The following TMEM63C variants were observed in gnomAD, a reference collection of about 807,000 sequenced individuals.
The protein encoded by TMEM63C is transmembrane protein 63C, also known as osmosensitive cation channel TMEM63C.
In TMEM63C, 32 loss-of-function variants were observed where a neutral mutation model predicts 99.2. The ratio of observed to expected loss-of-function variants is 0.32; its 90% CI spans 0.24 to 0.43. The LOEUF is 0.43. Ranked by LOEUF, TMEM63C falls within the 20% of genes least tolerant of loss-of-function variation. TMEM63C has a pLI of 1.00. For missense variants in TMEM63C, 826 were observed against 1,053.0 expected (o/e 0.78, Z 2.98); for synonymous variants, 376 against 397.9 (o/e 0.94, Z 0.66).
intron 7 of TMEM63C, among the ~76,000 whole-genome samples, chr14:77,233,191 T>TA: frequency 6.6e-6 from 1 of 152,152 alleles, no homozygotes; most frequent in East Asian, 1.9e-4. Context: ...GGGTGTCCAT[T>TA]ATGTGCCAAT....
chr14:77,205,149 A>G (rs1888372965), intron 1 of TMEM63C, among the ~76,000 whole-genome samples: 1 of 152,238 alleles, frequency 6.6e-6, no homozygotes, highest in African/African-American at 2.4e-5. Flanking sequence ...TGCTCCAGGA[A>G]CTGAGGGAAC....
intron 20 of TMEM63C, among the ~76,000 whole-genome samples, 177 bp from the exon 21 acceptor site, chr14:77,249,114 G>A (rs972349352): frequency 6.6e-6 from 1 of 152,126 alleles, no homozygotes; most frequent in Non-Finnish European, 1.5e-5. Flanking sequence ...CAGTTCTCGG[G>A]GCTCAAGGGA....
intron 1 of TMEM63C, among the ~76,000 whole-genome samples, chr14:77,191,303 T>C (rs2140090174): frequency 6.6e-6 from 1 of 152,204 alleles, no homozygotes; most frequent in Non-Finnish European, 1.5e-5. Flanking sequence ...TATGCAATAA[T>C]AATAGTAGTA....
chr14:77,229,613 A>AATATATATATAC (rs1555348254), intron 6 of TMEM63C, among the ~76,000 whole-genome samples: 2 of 117,936 alleles, frequency 1.7e-5, no homozygotes, highest in African/African-American at 5.9e-5. Context: ...ACACCCAGCT[A>AATATATATATAC]ATATATATAT....
At chr14:77,247,358 G>T (rs1285246879) in intron 18 of TMEM63C, among the ~76,000 whole-genome samples, 2 of 152,010 alleles carry the variant, frequency 1.3e-5, no homozygotes, top group Non-Finnish European at 2.9e-5. Flanking sequence ...ATGCCACCAT[G>T]CCTGGCTAAT....
intron 2 of TMEM63C, among the ~76,000 whole-genome samples, chr14:77,216,981 C>T (rs1290597095): frequency 1.3e-5 from 2 of 152,130 alleles, no homozygotes; most frequent in African/African-American, 2.4e-5. Context: ...GCCTGGGCAA[C>T]ATAGTGAGAC....
chr14:77,196,514 C>T (rs928830116), intron 1 of TMEM63C, among the ~76,000 whole-genome samples: 1 of 152,212 alleles, frequency 6.6e-6, no homozygotes, highest in African/African-American at 2.4e-5. Context: ...TGTCCTCTGT[C>T]CCCTGGAAAT....
At chr14:77,214,113 A>G in intron 2 of TMEM63C, among the ~76,000 whole-genome samples, 1 of 151,866 alleles carries the variant, frequency 6.6e-6, no homozygotes, top group East Asian at 1.9e-4. Context: ...AACTCCTGAA[A>G]CCTTTCCATG....
intron 1 of TMEM63C, among the ~76,000 whole-genome samples, chr14:77,204,996 G>A (rs1424584713): frequency 6.6e-6 from 1 of 152,240 alleles, no homozygotes; most frequent in African/African-American, 2.4e-5. Flanking sequence ...GGGGAGCTGG[G>A]CCTGGCCTGA....
chr14:77,191,507 TTTTCTTTTC>T (rs1236799956), intron 1 of TMEM63C, among the ~76,000 whole-genome samples: 188 of 151,220 alleles, frequency 1.2e-3, no homozygotes, highest in Non-Finnish European at 1.7e-3. Context: ...TCCATTTTTT[TTTTCTTTTC>T]TTTCTTTTCT....
At chr14:77,248,290 C>T in intron 18 of TMEM63C, 57 bp from the exon 19 acceptor site, 2 of 1,500,026 alleles carry the variant, frequency 1.3e-6, no homozygotes, top group Admixed American at 1.9e-5. Flanking sequence ...TCCCTTTTAA[C>T]ATCTCTCCCT....
chr14:77,194,336 A>ATGTGTGTGTG (rs36201483), intron 1 of TMEM63C, among the ~76,000 whole-genome samples: 33 of 87,608 alleles, frequency 3.8e-4, no homozygotes, highest in African/African-American at 1.8e-3. Flanking sequence ...ATATATATAT[A>ATGTGTGTGTG]TGTGTGTGTG....
intron 23 of TMEM63C, 87 bp downstream of exon 23, chr14:77,253,463 T>C: frequency 7.6e-7 from 1 of 1,311,334 alleles, no homozygotes; most frequent in East Asian, 2.5e-5. Context: ...ATGCCAGCTT[T>C]GCTGCCCACT....
At chr14:77,199,230 G>A (rs894163584) in intron 1 of TMEM63C, among the ~76,000 whole-genome samples, 1 of 152,178 alleles carries the variant, frequency 6.6e-6, no homozygotes, top group Admixed American at 6.5e-5. Flanking sequence ...AGGCCCGGGG[G>A]CTCAGAATCA....
At chr14:77,226,482 TG>T (rs1566625081) in intron 6 of TMEM63C, among the ~76,000 whole-genome samples, 1 of 152,108 alleles carries the variant, frequency 6.6e-6, no homozygotes, top group African/African-American at 2.4e-5. Context: ...GCATTCAGAA[TG>T]GGAGGGTTAT....
chr14:77,251,308 T>C (rs1159112795), intron 21 of TMEM63C, among the ~76,000 whole-genome samples: 2 of 152,260 alleles, frequency 1.3e-5, no homozygotes, highest in African/African-American at 4.8e-5. Flanking sequence ...AGAAAACTGC[T>C]GCCGTAAAAA....
At chr14:77,227,037 G>A (rs1204275457) in intron 6 of TMEM63C, among the ~76,000 whole-genome samples, 2 of 152,202 alleles carry the variant, frequency 1.3e-5, no homozygotes, top group East Asian at 3.9e-4. Context: ...TAAAGTGCTG[G>A]GATTACAGGC....
chr14:77,256,400 A>C, intron 23 of TMEM63C, 126 bp from the exon 24 acceptor site: 1 of 887,112 alleles, frequency 1.1e-6, no homozygotes, highest in Non-Finnish European at 1.8e-6. Context: ...CTGCTGGGGA[A>C]GAAGGCAGGC....
intron 13 of TMEM63C, among the ~76,000 whole-genome samples, chr14:77,241,058 C>T (rs891241939): frequency 2.0e-5 from 3 of 151,198 alleles, no homozygotes; most frequent in African/African-American, 7.3e-5. Flanking sequence ...TCAAGCGATT[C>T]TCCTGCCTCA....
Sources: allele counts gnomAD v4.1 joint callset (sites outside exome capture counted in the v4.1 genomes callset), GRCh38; gene constraint gnomAD v4.1.1; transcripts MANE v1.5; gene names NCBI Gene and HGNC (gene_info 2026-07-23, HGNC 2026-07-21).